The following HTR1F variants were observed in gnomAD, a reference collection of about 807,000 sequenced individuals.
HTR1F encodes 5-hydroxytryptamine receptor 1F, also known as 5-hydroxytryptamine (serotonin) receptor 1F, G protein-coupled.
In HTR1F, 17 loss-of-function variants were observed where a neutral mutation model predicts 24.0. That is an observed-to-expected ratio of 0.71 (90% CI 0.48 to 1.06). The LOEUF (loss-of-function observed/expected upper bound fraction) is 1.06. Among genes scored for constraint, HTR1F ranks in the 50% least tolerant of loss-of-function variants. HTR1F has a pLI of 0.00. For missense variants in HTR1F, 391 were observed against 427.8 expected (o/e 0.91, Z 0.76); for synonymous variants, 186 against 156.8 (o/e 1.19, Z -1.39).
rs544958783 is a variant in HTR1F at position 87,826,501 on chromosome 3, G to C, written c.-43+4377G>C. 7.2e-5 allele frequency among the ~76,000 whole-genome samples: 11 copies of C among 152,076 alleles called. No homozygotes were observed. The South Asian group carries it at 2.1e-3, about 29-fold the overall frequency. On this transcript the variant is annotated intron_variant, in intron 2 of 2. Coordinates refer to ENST00000319595, the MANE Select transcript of HTR1F (RefSeq NM_001322209.2). ...TTTTTAATCCTCTGTACTTTCCATA[G>C]CCAGCCTCTCCAGTTAGAATGCTTT...
intron 2 of HTR1F, among the ~76,000 whole-genome samples, chr3:87,892,703 T>C (rs974477006): frequency 6.6e-6 from 1 of 152,190 alleles, no homozygotes; most frequent in Non-Finnish European, 1.5e-5. Context: ...TAGAGAATAG[T>C]GCATGTTCAA....
intron 2 of HTR1F, among the ~76,000 whole-genome samples, chr3:87,977,700 C>T (rs1044896710): frequency 3.9e-5 from 6 of 152,114 alleles, no homozygotes; most frequent in Non-Finnish European, 5.9e-5. Flanking sequence ...GGATTACAGG[C>T]ATGAGCCACT....
chr3:87,876,530 G>A (rs1705676173), intron 2 of HTR1F, among the ~76,000 whole-genome samples: 1 of 152,098 alleles, frequency 6.6e-6, no homozygotes. Flanking sequence ...ATCACAAAAT[G>A]ACAAATGCTA....
At chr3:87,947,023 G>A (rs1293945008) in intron 2 of HTR1F, among the ~76,000 whole-genome samples, 1 of 152,166 alleles carries the variant, frequency 6.6e-6, no homozygotes, top group Admixed American at 6.5e-5. Flanking sequence ...TCGTTGTGTT[G>A]AAATGGTTGT....
At chr3:87,798,594 A>G (rs749382328) in intron 1 of HTR1F, among the ~76,000 whole-genome samples, 21 of 148,118 alleles carry the variant, frequency 1.4e-4, no homozygotes, top group Non-Finnish European at 3.0e-4. Context: ...TCTTCCCTCA[A>G]AAAAAAAAAA....
At chr3:87,829,787 A>C (rs1269615801) in intron 2 of HTR1F, among the ~76,000 whole-genome samples, 1 of 152,262 alleles carries the variant, frequency 6.6e-6, no homozygotes, top group Non-Finnish European at 1.5e-5. Flanking sequence ...AATAAAATAA[A>C]AAACATAATT....
At chr3:87,897,470 T>C (rs896190461) in intron 2 of HTR1F, among the ~76,000 whole-genome samples, 6 of 152,212 alleles carry the variant, frequency 3.9e-5, no homozygotes, top group Non-Finnish European at 5.9e-5. Flanking sequence ...TATTCAGTTT[T>C]GTTTGAAAAT....
intron 2 of HTR1F, among the ~76,000 whole-genome samples, chr3:87,858,593 T>G (rs181024589): frequency 2.0e-5 from 3 of 152,292 alleles, no homozygotes; most frequent in Non-Finnish European, 4.4e-5. Context: ...ATGTGGTTGA[T>G]TCAATTCTTG....
intron 2 of HTR1F, among the ~76,000 whole-genome samples, chr3:87,840,050 A>G (rs1704767336): frequency 6.6e-6 from 1 of 152,100 alleles, no homozygotes; most frequent in Non-Finnish European, 1.5e-5. Flanking sequence ...TGCCTTCACT[A>G]TTGTGATTAG....
chr3:87,948,551 A>G (rs565383922), intron 2 of HTR1F, among the ~76,000 whole-genome samples: 1 of 151,916 alleles, frequency 6.6e-6, no homozygotes, highest in Non-Finnish European at 1.5e-5. Flanking sequence ...GCATAGTCAC[A>G]GCTCACTGCA....
rs772705392 is a variant in HTR1F at position 87,991,429 on chromosome 3, G to A, written c.680G>A (p.Gly227Asp). The change falls in exon 3 of 3, where the codon GGC becomes GAC. Residue 227 changes from glycine to aspartate, a missense_variant. By Grantham distance (94) the Gly-to-Asp change is moderately conservative (BLOSUM62 -1). Transcript: ENST00000319595. ...ASRIAKEEVN[G>D]QVLLESGEKS... ...AGGATTGCAAAGGAGGAGGTGAATG[G>A]CCAAGTCCTTTTGGAGAGTGGTGAG... 13 of 1,613,956 alleles carry A rather than the reference G, an allele frequency of 8.1e-6. No homozygotes were observed. The highest frequency in any genetic ancestry group is 1.6e-4 in the Middle Eastern group (1 of 6,062).
rs1705814685 is a variant in HTR1F, at chr3:87,991,115, T to C, written c.366T>C (p.Tyr122=). The change falls in exon 3 of 3, where the codon TAT becomes TAC. Residue 122 remains tyrosine, a synonymous_variant. Coordinates refer to ENST00000319595, the MANE Select transcript of HTR1F (RefSeq NM_001322209.2). The part of the protein sequence containing the change: ...LHLSAIALDR[Y]RAITDAVEYA... ...TCTCAGCTATAGCTTTGGATCGGTATCGAGCAATCACAGATGCTGTTGAGT... is the reference window on the plus strand; with the variant it reads ...TCTCAGCTATAGCTTTGGATCGGTACCGAGCAATCACAGATGCTGTTGAGT... The C allele has an allele frequency of 6.2e-7, 1 of 1,613,914 alleles. No individual in the cohort carries two copies. The highest frequency in any genetic ancestry group is 2.2e-5 in the East Asian group (1 of 44,894).
chr3:87,841,495 G>T (rs1024895259), intron 2 of HTR1F, among the ~76,000 whole-genome samples: 1 of 151,862 alleles, frequency 6.6e-6, no homozygotes, highest in African/African-American at 2.4e-5. Context: ...ATATGAAAGT[G>T]CAAGGGGGTT....
At position 87,992,860 on chromosome 3, in the gene HTR1F, C is replaced by T. The variant is rs1164662611; in HGVS notation, c.*1010C>T. ...TATAATGGAAATTTTTAGAACTTTC[C>T]CTTTACTTTAAAATATTTCTACTTT... is the stretch of plus-strand genomic sequence containing the variant. On this transcript the variant is annotated 3_prime_UTR_variant, in exon 3 of 3. Transcript: ENST00000319595. 6.0e-6 allele frequency: 1 copy of T among 166,760 alleles called. No homozygotes were observed. Among genetic ancestry groups the T allele is most frequent in the Non-Finnish European group, 1.5e-5 (1 of 68,038 alleles). 10.3% of individuals were successfully genotyped at this position (166,760 alleles called of 1,614,324 possible). A position where few individuals can be genotyped will look rare whatever the true frequency, so the allele number is the denominator to read the frequency against.
chr3:87,942,866 T>A (rs1222311303), intron 2 of HTR1F, among the ~76,000 whole-genome samples: 2 of 152,012 alleles, frequency 1.3e-5, no homozygotes, highest in Admixed American at 1.3e-4. Context: ...ACTTTTGAAG[T>A]TTTTTAATGT....
chr3:87,890,850 T>TC (rs1326244136), intron 2 of HTR1F, among the ~76,000 whole-genome samples: 2 of 151,538 alleles, frequency 1.3e-5, no homozygotes, highest in Non-Finnish European at 3.0e-5. Context: ...TTTCTTTTTT[T>TC]TTTTTTTTTG....
intron 2 of HTR1F, among the ~76,000 whole-genome samples, chr3:87,882,340 A>G (rs566291057): frequency 6.6e-6 from 1 of 152,328 alleles, no homozygotes; most frequent in Non-Finnish European, 1.5e-5. Flanking sequence ...CATTTGACCC[A>G]GCCATCCCAT....
intron 2 of HTR1F, among the ~76,000 whole-genome samples, chr3:87,835,854 T>C (rs1405072771): frequency 6.6e-6 from 1 of 152,162 alleles, no homozygotes; most frequent in East Asian, 1.9e-4. Flanking sequence ...CAGCTGTCTG[T>C]ACCCTCTGGG....
chr3:87,872,771 A>G (rs1022977052), intron 2 of HTR1F, among the ~76,000 whole-genome samples: 3 of 152,062 alleles, frequency 2.0e-5, no homozygotes, highest in Non-Finnish European at 4.4e-5. Flanking sequence ...GAATAGACCT[A>G]TGATTATTAA....
Sources: gnomAD v4.1 joint callset for allele counts (sites outside exome capture counted in the v4.1 genomes callset) on GRCh38, gnomAD v4.1.1 for gene constraint, MANE v1.5 for transcripts, NCBI Gene and HGNC (gene_info 2026-07-23, HGNC 2026-07-21) for gene names.